ZNF415: variants seen among roughly 807,000 people sequenced by gnomAD.
The protein encoded by ZNF415 is zinc finger protein 415.
ZNF415 carries 5 observed loss-of-function variants against 7.3 expected under a neutral mutation model. That is an observed-to-expected ratio of 0.69 (90% CI 0.36 to 1.44). ZNF415 has a LOEUF of 1.44. Ranked by LOEUF, ZNF415 falls within the 40% of genes most tolerant of loss-of-function variation. ZNF415 has a pLI of 0.04. For missense variants in ZNF415, 628 were observed against 664.8 expected, an observed-to-expected ratio of 0.94 and a Z score of 0.61; for synonymous variants, 207 against 226.3, an observed-to-expected ratio of 0.91 and a Z score of 0.77.
rs542500723 is a variant in ZNF415 at position 53,113,241 on chromosome 19, G to T, written c.136+3072C>A. 1.1e-4 allele frequency among the ~76,000 whole-genome samples: 3 copies of T among 27,814 alleles called. 1 individual carries two copies. 18.2% of individuals were successfully genotyped at this position (27,814 alleles called of 152,430 possible). On this transcript the variant is annotated intron_variant, in intron 3 of 3. Coordinates refer to ENST00000243643, the MANE Select transcript of ZNF415 (RefSeq NM_018355.4). ...ACCGAGGCATTGGCCGGGCGCGGTG[G>T]CTCACGCCTGTAATCCCAGCACTTT...
intron 1 of ZNF415, chr19:53,123,599 T>A (rs1464734746): frequency 1.0e-5 from 4 of 398,816 alleles, no homozygotes; most frequent in African/African-American, 2.1e-5. Flanking sequence ...GGACGCATGC[T>A]TGGCTGGAGC....
intron 1 of ZNF415, among the ~76,000 whole-genome samples, chr19:53,130,955 AAT>A: frequency 6.6e-6 from 1 of 151,428 alleles, no homozygotes; most frequent in East Asian, 2.0e-4. Context: ...CAACACTTTT[AAT>A]GTTCCTTTTG....
chr19:53,114,580 A>C (rs1356390950), intron 3 of ZNF415, among the ~76,000 whole-genome samples: 1 of 152,198 alleles, frequency 6.6e-6, no homozygotes, highest in Non-Finnish European at 1.5e-5. Flanking sequence ...AAGAGAGAAA[A>C]ATACAACATA....
At chr19:53,131,303 C>A (rs1311468148) in intron 1 of ZNF415, among the ~76,000 whole-genome samples, 1 of 152,052 alleles carries the variant, frequency 6.6e-6, no homozygotes, top group African/African-American at 2.4e-5. Context: ...AGAGGATGAC[C>A]TGTGGAATTA....
chr19:53,109,474 T>C lies in ZNF415; in HGVS notation c.571A>G (p.Asn191Asp), dbSNP rs1237150516. The change falls in exon 4 of 4, where the codon AAT (asparagine) becomes GAT (aspartate). Residue 191 changes from asparagine (N) to aspartate (D), a missense_variant. Transcript: ENST00000243643. ...ISSTIKTHVSNKYGTDFICSS... is the reference protein window; with the variant it reads ...ISSTIKTHVSDKYGTDFICSS... Reference sequence around the variant, plus strand: ...CAGATGAAATCAGTCCCATATTTATTAGAAACATGGGTTTTGATGGTAGAA... The same window carrying C: ...CAGATGAAATCAGTCCCATATTTATCAGAAACATGGGTTTTGATGGTAGAA... The C allele has an allele frequency of 4.3e-6, 7 of 1,614,130 alleles. No individual in the cohort carries two copies. Among genetic ancestry groups the C allele is most frequent in the Admixed American group, 1.7e-5 (1 of 60,020 alleles).
At chr19:53,127,633 C>T (rs894321811) in intron 1 of ZNF415, among the ~76,000 whole-genome samples, 1 of 152,168 alleles carries the variant, frequency 6.6e-6, no homozygotes, top group Admixed American at 6.5e-5. Context: ...AATCCCAGCA[C>T]TTTAGGAGGC....
intron 1 of ZNF415, among the ~76,000 whole-genome samples, chr19:53,127,869 C>T (rs1221459982): frequency 8.4e-6 from 1 of 119,010 alleles, no homozygotes; most frequent in African/African-American, 3.4e-5. Context: ...GAGCGAGACA[C>T]CGTCTCAAAA....
At chr19:53,117,739 C>G (rs1029776829) in intron 2 of ZNF415, among the ~76,000 whole-genome samples, 1 of 152,090 alleles carries the variant, frequency 6.6e-6, no homozygotes. Context: ...TAAGGGATCC[C>G]TACATCTAGA....
intron 3 of ZNF415, chr19:53,115,722 T>C (rs1297574507): frequency 6.4e-7 from 1 of 1,550,536 alleles, no homozygotes; most frequent in Admixed American, 2.0e-5. Flanking sequence ...ACACCTTTGA[T>C]CCATTCCCAC....
At chr19:53,126,162 G>A (rs1018277199) in intron 1 of ZNF415, among the ~76,000 whole-genome samples, 1 of 151,592 alleles carries the variant, frequency 6.6e-6, no homozygotes, top group Non-Finnish European at 1.5e-5. Flanking sequence ...TTCACCTGAG[G>A]ATTGTCTTCA....
intron 3 of ZNF415, chr19:53,115,362 T>G (rs1185612897): frequency 4.2e-6 from 1 of 239,228 alleles, no homozygotes; most frequent in Admixed American, 5.0e-5. Flanking sequence ...CAGCAACAAA[T>G]AACAGGAGAG....
rs1222524822 is a variant in ZNF415 at position 53,108,810 on chromosome 19, T to C, written c.1235A>G (p.Tyr412Cys). The C allele has an allele frequency of 2.5e-6, 4 of 1,614,132 alleles. 1 individual carries two copies. In the South Asian group the frequency reaches 4.4e-5, roughly 18 times the overall value. The stretch of plus-strand genomic sequence containing the variant: ...AACCTTACCACATTCATTGCATTTG[T>C]AAGGTTTCTCTCCAGTATGAATTCT... ...HWRIHTGEKP[Y>C]KCNECGKVFS... The change falls in exon 4 of 4, where the codon TAC (tyrosine) becomes TGC (cysteine). Residue 412 changes from tyrosine to cysteine, a missense_variant. Tyr to Cys is a radical substitution (Grantham distance 194, BLOSUM62 -2). Coordinates refer to ENST00000243643, the MANE Select transcript of ZNF415 (RefSeq NM_018355.4).
chr19:53,108,842 C>G lies in ZNF415; in HGVS notation c.1203G>C (p.Arg401Ser). The G allele has an allele frequency of 6.2e-7, 1 of 1,613,646 alleles. No individual in the cohort carries two copies. The highest frequency in any genetic ancestry group is 1.1e-5 in the South Asian group (1 of 91,050). ...KVFSQTSSLA[R>S]HWRIHTGEKP... ...TCTCTCCAGTATGAATTCTCCAATG[C>G]CTTGCAAGGCTTGAAGTCTGACTGA... The change falls in exon 4 of 4, where the codon AGG becomes AGC. Residue 401 changes from arginine (R) to serine (S), a missense_variant. Physicochemically the swap from Arg to Ser is moderately radical, Grantham distance 110. Transcript: ENST00000243643.
intron 2 of ZNF415, among the ~76,000 whole-genome samples, chr19:53,120,516 A>C (rs949876105): frequency 6.6e-6 from 1 of 152,168 alleles, no homozygotes; most frequent in Admixed American, 6.6e-5. Flanking sequence ...GTAAGGCTTG[A>C]CAGGAAAAGG....
At chr19:53,132,003 G>T (rs2090140140) in intron 1 of ZNF415, among the ~76,000 whole-genome samples, 1 of 152,052 alleles carries the variant, frequency 6.6e-6, no homozygotes, top group Non-Finnish European at 1.5e-5. Context: ...CTCTGTCTGA[G>T]GAGCCTCCTC....
At chr19:53,110,933 A>G (rs1158083791) in intron 3 of ZNF415, among the ~76,000 whole-genome samples, 1 of 152,202 alleles carries the variant, frequency 6.6e-6, no homozygotes, top group Non-Finnish European at 1.5e-5. Flanking sequence ...TCAGCCACAC[A>G]ATATACATAA....
intron 2 of ZNF415, among the ~76,000 whole-genome samples, chr19:53,121,077 CAAAAAAAAA>C (rs58307730): frequency 2.5e-5 from 1 of 40,350 alleles, no homozygotes; most frequent in East Asian, 8.8e-4. Flanking sequence ...GAGGAAGACT[CAAAAAAAAA>C]AAAAAAAAAA....
intron 1 of ZNF415, among the ~76,000 whole-genome samples, chr19:53,127,348 G>A (rs922168442): frequency 3.9e-4 from 60 of 152,272 alleles, no homozygotes; most frequent in African/African-American, 1.3e-3. Flanking sequence ...GCCCGGCTAC[G>A]AAATTTCGCA....
At position 53,109,288 on chromosome 19, in the gene ZNF415, A is replaced by G; in HGVS notation, c.757T>C (p.Phe253Leu). 6.2e-7 allele frequency: 1 copy of G among 1,614,194 alleles called. No homozygotes were observed. The highest frequency in any genetic ancestry group is 8.5e-7 in the Non-Finnish European group (1 of 1,180,022). Reference sequence around the variant, plus strand: ...CGCGCAAGGTTTGATTTTTGACTAAAGACCTTGCCACACAGATCACATTTA... The same window carrying G: ...CGCGCAAGGTTTGATTTTTGACTAAGGACCTTGCCACACAGATCACATTTA... ...GYKCDLCGKV[F>L]SQKSNLARHW... The change falls in exon 4 of 4, where the codon TTT (phenylalanine) becomes CTT (leucine). Residue 253 changes from phenylalanine to leucine, a missense_variant. Physicochemically the swap from Phe to Leu is conservative, Grantham distance 22. Transcript: ENST00000243643.
Sources: allele counts gnomAD v4.1 joint callset (sites outside exome capture counted in the v4.1 genomes callset), GRCh38; gene constraint gnomAD v4.1.1; transcripts MANE v1.5; gene names NCBI Gene and HGNC (gene_info 2026-07-23, HGNC 2026-07-21).